Variants in DISC1 observed in about 807,000 individuals in gnomAD.
DISC1 encodes the protein DISC1 scaffold protein, also known as disrupted in schizophrenia 1 protein.
DISC1 carries 57 observed loss-of-function variants against 84.5 expected under a neutral mutation model. That is an observed-to-expected ratio of 0.67 (90% CI 0.55 to 0.84). The LOEUF (loss-of-function observed/expected upper bound fraction) is 0.84. Ranked by LOEUF, DISC1 falls within the 40% of genes least tolerant of loss-of-function variation. The probability of loss-of-function intolerance (pLI) is 0.00; values close to 1 mark genes in which losing one functional copy is unlikely to be tolerated. For synonymous variants in DISC1, 411 were observed against 415.2 expected, an observed-to-expected ratio of 0.99 and a Z score of 0.12; for missense variants, 1,000 against 1,057.8, an observed-to-expected ratio of 0.95 and a Z score of 0.76.
At chr1:231,795,496 C>A (rs1287475609) in intron 7 of DISC1, among the ~76,000 whole-genome samples, 200 bp downstream of exon 7, 3 of 152,164 alleles carry the variant, frequency 2.0e-5, no homozygotes, top group South Asian at 2.1e-4. Flanking sequence ...CTTGTGGACA[C>A]CCCAGAAATG....
chr1:231,890,679 A>G (rs538214604), intron 9 of DISC1, among the ~76,000 whole-genome samples: 61 of 152,354 alleles, frequency 4.0e-4, no homozygotes, highest in African/African-American at 1.4e-3. Flanking sequence ...GTGTGTGGGT[A>G]TACTTGATTC....
intron 10 of DISC1, among the ~76,000 whole-genome samples, chr1:231,966,411 T>C (rs1661129852): frequency 6.6e-6 from 1 of 152,230 alleles, no homozygotes; most frequent in African/African-American, 2.4e-5. Context: ...TTATTACATA[T>C]TATCTGTTAT....
chr1:231,808,433 G>A (rs202193759), intron 8 of DISC1, among the ~76,000 whole-genome samples: 4 of 152,182 alleles, frequency 2.6e-5, no homozygotes, highest in South Asian at 2.1e-4. Flanking sequence ...GATCACTGAT[G>A]TTACTCTCCC....
chr1:231,795,018 A>G (rs1189093556), intron 6 of DISC1, among the ~76,000 whole-genome samples: 1 of 152,182 alleles, frequency 6.6e-6, no homozygotes, highest in Non-Finnish European at 1.5e-5. Flanking sequence ...GCATGATAAA[A>G]TTGTAATACT....
intron 9 of DISC1, among the ~76,000 whole-genome samples, chr1:231,909,707 C>T (rs984401744): frequency 6.6e-6 from 1 of 152,140 alleles, no homozygotes; most frequent in Admixed American, 6.5e-5. Flanking sequence ...AGGGAGGATT[C>T]CTTCTTTTTC....
At chr1:231,729,015 T>C (rs1353572609) in intron 3 of DISC1, among the ~76,000 whole-genome samples, 1 of 151,272 alleles carries the variant, frequency 6.6e-6, no homozygotes, top group African/African-American at 2.4e-5. Context: ...AAAACAGGCC[T>C]GGTGTGTGAT....
intron 10 of DISC1, among the ~76,000 whole-genome samples, chr1:232,007,016 G>A (rs1667539076): frequency 6.6e-6 from 1 of 152,202 alleles, no homozygotes; most frequent in African/African-American, 2.4e-5. Context: ...AGGCTTACAT[G>A]TGGTGTTGGA....
intron 6 of DISC1, among the ~76,000 whole-genome samples, chr1:231,790,752 T>C (rs2078281971): frequency 6.6e-6 from 1 of 152,134 alleles, no homozygotes; most frequent in Non-Finnish European, 1.5e-5. Flanking sequence ...TCTCCTGACC[T>C]TGTGATCTGC....
At position 231,954,740 on chromosome 1, in the gene DISC1, C is replaced by T. The variant is rs563674724; in HGVS notation, c.1982-4088C>T. 6.6e-6 allele frequency among the ~76,000 whole-genome samples: 1 copy of T among 152,322 alleles called. No homozygotes were observed. The highest frequency in any genetic ancestry group is 6.5e-5 in the Admixed American group (1 of 15,302). On this transcript the variant is annotated intron_variant, in intron 9 of 12. Coordinates refer to ENST00000439617, the MANE Select transcript of DISC1 (RefSeq NM_018662.3). This position sits in a 1 kb window ranked among gnomAD's most constrained non-coding sequence, Gnocchi z 4.8. ...GAGAGGAAAAGGTGAGCTCTATTCT[C>T]CGTCAGCGTGTCTGTGGCTGTATTG... is the stretch of plus-strand genomic sequence containing the variant.
In DISC1 at chr1:231,821,805, C is replaced by A. The variant is rs376097809; in HGVS notation, c.1981+3288C>A. On this transcript the variant is annotated intron_variant, in intron 9 of 12. Coordinates refer to ENST00000439617, the MANE Select transcript of DISC1 (RefSeq NM_018662.3). Reference sequence around the variant, plus strand: ...CTCTGCTCACTGCAACCTCCGTCTCCCAGGTTCAAGCGATTCTCCTGCCTC... The same window carrying A: ...CTCTGCTCACTGCAACCTCCGTCTCACAGGTTCAAGCGATTCTCCTGCCTC... Among the ~76,000 whole-genome samples the A allele has an allele frequency of 4.0e-5, 6 of 151,596 alleles. No individual in the cohort carries two copies. The South Asian group carries it at 1.0e-3, about 26-fold the overall frequency.
At chr1:231,866,387 C>T in intron 9 of DISC1, 1 of 633,486 alleles carries the variant, frequency 1.6e-6, no homozygotes, top group Non-Finnish European at 2.9e-6. Context: ...TCTGAAGTCA[C>T]TTCAAGCAGA....
chr1:231,932,457 T>C (rs996584773), intron 9 of DISC1, among the ~76,000 whole-genome samples: 4 of 152,256 alleles, frequency 2.6e-5, no homozygotes, highest in Non-Finnish European at 5.9e-5. Context: ...ATCCTCATGA[T>C]AACCTAACAC....
intron 8 of DISC1, 58 bp downstream of exon 8, chr1:231,800,268 G>A: frequency 7.4e-7 from 1 of 1,347,862 alleles, no homozygotes; most frequent in Non-Finnish European, 1.1e-6. Flanking sequence ...ACAGCTACCA[G>A]CACATCGTGT....
At chr1:231,643,793 T>C (rs2059917730) in intron 1 of DISC1, among the ~76,000 whole-genome samples, 1 of 152,194 alleles carries the variant, frequency 6.6e-6, no homozygotes, top group Admixed American at 6.5e-5. Context: ...GGTAGCATAT[T>C]ACAGGTGGCC....
chr1:231,972,724 A>G lies in DISC1; in HGVS notation c.2042+13836A>G, dbSNP rs940265942. ...CAGCCACTAGACCTCACGACATAGG[A>G]TTTTAGAGGCAGATAAAGAAAATGG... On this transcript the variant is annotated intron_variant, in intron 10 of 12. Transcript: ENST00000439617. Among the ~76,000 whole-genome samples the G allele has an allele frequency of 2.6e-5, 4 of 152,190 alleles. No individual in the cohort carries two copies. In the East Asian group the frequency reaches 7.7e-4, roughly 29 times the overall value.
At chr1:231,978,070 G>GT in intron 10 of DISC1, among the ~76,000 whole-genome samples, 1 of 151,910 alleles carries the variant, frequency 6.6e-6, no homozygotes. Context: ...TCATTCACAT[G>GT]TGGTTTTTTT....
chr1:231,808,653 C>T (rs568986503), intron 8 of DISC1, among the ~76,000 whole-genome samples: 12 of 152,324 alleles, frequency 7.9e-5, no homozygotes, highest in African/African-American at 2.6e-4. Context: ...TGGTAGATGG[C>T]CCAATGCCTA....
At chr1:231,821,956 C>T (rs1047392848) in intron 9 of DISC1, among the ~76,000 whole-genome samples, 5 of 152,222 alleles carry the variant, frequency 3.3e-5, no homozygotes, top group African/African-American at 9.6e-5. Context: ...CTGCTTAGGC[C>T]TCCCAAAGTG....
At chr1:231,693,507 G>T (rs1418926600) in intron 1 of DISC1, among the ~76,000 whole-genome samples, 1 of 152,234 alleles carries the variant, frequency 6.6e-6, no homozygotes, top group Admixed American at 6.5e-5. Flanking sequence ...AAGACCAACA[G>T]GCAAGATGTT....
Sources: allele counts gnomAD v4.1 joint callset (sites outside exome capture counted in the v4.1 genomes callset), GRCh38; gene constraint gnomAD v4.1.1; non-coding constraint Gnocchi (gnomAD v3.1); transcripts MANE v1.5; gene names NCBI Gene and HGNC (gene_info 2026-07-23, HGNC 2026-07-21).